The following TBC1D5 variants were observed in gnomAD, a reference collection of about 807,000 sequenced individuals.
The protein encoded by TBC1D5 is TBC1 domain family member 5.
In TBC1D5, 75 loss-of-function variants were observed where a neutral mutation model predicts 100.3. The ratio of observed to expected loss-of-function variants is 0.75; its 90% CI spans 0.62 to 0.91. TBC1D5 has a LOEUF of 0.91. Ranked by LOEUF, TBC1D5 falls within the 40% of genes least tolerant of loss-of-function variation. The pLI is 0.00. For synonymous variants in TBC1D5, 323 were observed against 325.6 expected (o/e 0.99, Z 0.09); for missense variants, 910 against 942.4 (o/e 0.97, Z 0.45).
chr3:17,555,775 G>A (rs998611530), intron 2 of TBC1D5, among the ~76,000 whole-genome samples: 3 of 152,156 alleles, frequency 2.0e-5, no homozygotes, highest in Admixed American at 6.5e-5. Context: ...GTGCTACAAA[G>A]AGTCTGTTTT....
At chr3:17,259,676 A>G (rs931921310) in intron 15 of TBC1D5, among the ~76,000 whole-genome samples, 3 of 147,658 alleles carry the variant, frequency 2.0e-5, no homozygotes, top group Non-Finnish European at 3.0e-5. Context: ...CCTTGGAGAC[A>G]TAATTCCAAG....
intron 2 of TBC1D5, among the ~76,000 whole-genome samples, chr3:17,560,811 C>G (rs1043872161): frequency 2.0e-5 from 3 of 151,094 alleles, no homozygotes; most frequent in African/African-American, 7.3e-5. Flanking sequence ...ATCCCAGCTA[C>G]TAGGGAGGCT....
intron 17 of TBC1D5, among the ~76,000 whole-genome samples, chr3:17,236,914 C>A (rs767207333): frequency 2.0e-5 from 3 of 152,028 alleles, no homozygotes; most frequent in African/African-American, 4.8e-5. Flanking sequence ...AATACAGACA[C>A]GCATGGGTGT....
At chr3:17,729,727 T>A (rs1369169124) in intron 1 of TBC1D5, among the ~76,000 whole-genome samples, 4 of 151,768 alleles carry the variant, frequency 2.6e-5, no homozygotes, top group Non-Finnish European at 5.9e-5. Flanking sequence ...CAAACAAAAT[T>A]AGGAAACCAT....
intron 19 of TBC1D5, among the ~76,000 whole-genome samples, chr3:17,169,623 A>G (rs1243710233): frequency 6.6e-6 from 1 of 152,258 alleles, no homozygotes; most frequent in Non-Finnish European, 1.5e-5. Flanking sequence ...AATGACAGAT[A>G]TAATTAGAGA....
chr3:17,300,662 G>C (rs2082729383), intron 14 of TBC1D5, among the ~76,000 whole-genome samples: 1 of 152,174 alleles, frequency 6.6e-6, no homozygotes, highest in Non-Finnish European at 1.5e-5. Context: ...TACGCTGGCT[G>C]AAAAAACAAG....
chr3:17,314,493 G>A (rs2084421793), intron 13 of TBC1D5, among the ~76,000 whole-genome samples: 1 of 152,046 alleles, frequency 6.6e-6, no homozygotes, highest in African/African-American at 2.4e-5. Context: ...TTCATTTCCT[G>A]AACTCTAGTT....
chr3:17,313,237 T>C (rs899765385), intron 13 of TBC1D5, among the ~76,000 whole-genome samples: 1 of 152,090 alleles, frequency 6.6e-6, no homozygotes, highest in East Asian at 1.9e-4. Flanking sequence ...CTTACTTGGG[T>C]TCCATCAAAA....
intron 14 of TBC1D5, among the ~76,000 whole-genome samples, chr3:17,299,204 G>A (rs1575194624): frequency 6.6e-6 from 1 of 152,122 alleles, no homozygotes; most frequent in Non-Finnish European, 1.5e-5. Context: ...TGGCTAAATG[G>A]GCAGGCAGCT....
At chr3:17,313,464 T>A (rs1156958997) in intron 13 of TBC1D5, among the ~76,000 whole-genome samples, 1 of 152,168 alleles carries the variant, frequency 6.6e-6, no homozygotes, top group East Asian at 1.9e-4. Context: ...GGAAAGGAAA[T>A]TATGATCAAA....
intron 13 of TBC1D5, among the ~76,000 whole-genome samples, chr3:17,354,727 AC>A (rs1284885274): frequency 9.9e-5 from 15 of 151,682 alleles, no homozygotes; most frequent in African/African-American, 3.6e-4. Context: ...AAAAAAAAAA[AC>A]CCCAGAGAAA....
intron 1 of TBC1D5, among the ~76,000 whole-genome samples, chr3:17,697,795 C>T (rs1430788893): frequency 1.3e-5 from 2 of 151,570 alleles, no homozygotes. Context: ...CCCGCGTTGC[C>T]AAGACAATCC....
chr3:17,496,161 T>C (rs2095704630), intron 3 of TBC1D5, among the ~76,000 whole-genome samples: 1 of 152,250 alleles, frequency 6.6e-6, no homozygotes, highest in Non-Finnish European at 1.5e-5. Context: ...TACATTTTTC[T>C]ATGTGAAGTA....
intron 4 of TBC1D5, among the ~76,000 whole-genome samples, chr3:17,422,353 T>G (rs1002383412): frequency 9.3e-5 from 14 of 151,300 alleles, no homozygotes; most frequent in African/African-American, 3.2e-4. Flanking sequence ...TTTGTTTTTT[T>G]GTTTTTTTTT....
intron 13 of TBC1D5, among the ~76,000 whole-genome samples, chr3:17,364,685 T>A (rs1464625001): frequency 6.6e-6 from 1 of 152,172 alleles, no homozygotes; most frequent in African/African-American, 2.4e-5. Context: ...TTTAAAGCAT[T>A]TATGTATAGT....
chr3:17,464,888 G>C (rs984290314), intron 3 of TBC1D5, among the ~76,000 whole-genome samples: 1 of 151,660 alleles, frequency 6.6e-6, no homozygotes, highest in Non-Finnish European at 1.5e-5. Flanking sequence ...AGTATTCTGT[G>C]ACACATGAAA....
intron 16 of TBC1D5, among the ~76,000 whole-genome samples, chr3:17,252,280 T>G (rs1042052030): frequency 6.6e-6 from 1 of 152,168 alleles, no homozygotes; most frequent in African/African-American, 2.4e-5. Context: ...AAATTGAAAT[T>G]TAACAGAGAT....
intron 9 of TBC1D5, among the ~76,000 whole-genome samples, chr3:17,382,982 G>T (rs1439223656): frequency 2.6e-5 from 4 of 151,706 alleles, no homozygotes; most frequent in Non-Finnish European, 5.9e-5. Flanking sequence ...ATAAGCTATT[G>T]TCAGCAGTTA....
chr3:17,405,081 T>C (rs755538523), intron 5 of TBC1D5, 120 bp from the exon 6 acceptor site: 139 of 506,066 alleles, frequency 2.7e-4, no homozygotes, highest in Middle Eastern at 1.6e-3. Context: ...CATATTCATA[T>C]CATCATTTCA....
Sources: allele counts gnomAD v4.1 joint callset (sites outside exome capture counted in the v4.1 genomes callset), GRCh38; gene constraint gnomAD v4.1.1; transcripts MANE v1.5; gene names NCBI Gene and HGNC (gene_info 2026-07-23, HGNC 2026-07-21).